UTRN: variants seen among roughly 807,000 people sequenced by gnomAD.
The protein encoded by UTRN is dystrophin-related protein 1.
In UTRN, 283 loss-of-function variants were observed where a neutral mutation model predicts 463.9. The ratio of observed to expected loss-of-function variants is 0.61; its 90% CI spans 0.55 to 0.67. The LOEUF (loss-of-function observed/expected upper bound fraction) is 0.67. UTRN is among the 30% of genes least tolerant of loss of function. The probability of loss-of-function intolerance (pLI) is 0.00; values close to 1 mark genes in which losing one functional copy is unlikely to be tolerated. For missense variants in UTRN, 3,922 were observed against 4,084.3 expected (o/e 0.96, Z 1.08); for synonymous variants, 1,442 against 1,431.5 (o/e 1.01, Z -0.17).
At chr6:144,522,279 C>T (rs1278619679) in intron 40 of UTRN, 108 bp downstream of exon 40, 1 of 871,790 alleles carries the variant, frequency 1.1e-6, no homozygotes, top group Non-Finnish European at 1.6e-6. Context: ...CAATTTGTGC[C>T]AGGGGATTAA....
At chr6:144,525,718 G>C (rs969499231) in intron 41 of UTRN, among the ~76,000 whole-genome samples, 1 of 144,464 alleles carries the variant, frequency 6.9e-6, no homozygotes, top group African/African-American at 2.6e-5. Context: ...TTTTTCTTCT[G>C]CTGGGCTTGG....
intron 54 of UTRN, among the ~76,000 whole-genome samples, chr6:144,738,792 C>A (rs907578895): frequency 6.6e-6 from 1 of 152,186 alleles, no homozygotes; most frequent in Non-Finnish European, 1.5e-5. Context: ...TAAAGAATTA[C>A]TGTTACTACA....
At chr6:144,562,661 A>G (rs1585290397) in intron 50 of UTRN, among the ~76,000 whole-genome samples, 2 of 152,174 alleles carry the variant, frequency 1.3e-5, no homozygotes, top group East Asian at 3.8e-4. Flanking sequence ...GCTGCAATGA[A>G]CATACACATA....
intron 52 of UTRN, among the ~76,000 whole-genome samples, chr6:144,698,344 A>G (rs539437339): frequency 5.3e-5 from 8 of 152,262 alleles, no homozygotes; most frequent in Non-Finnish European, 1.2e-4. Flanking sequence ...AGAACTGATC[A>G]TAAATACAAG....
chr6:144,716,611 T>C (rs1330151203), intron 53 of UTRN, among the ~76,000 whole-genome samples: 3 of 152,192 alleles, frequency 2.0e-5, no homozygotes, highest in African/African-American at 7.2e-5. Context: ...AAAGTATAAT[T>C]TTTAATTATG....
chr6:144,435,875 T>G lies in UTRN; in HGVS notation c.856-60T>G, dbSNP rs1786487995. On this transcript the variant is annotated intron_variant, in intron 9 of 74. Transcript: ENST00000367545. ...TTTGGGTTCGCCATACAGTGTGAGT[T>G]TGCTGAACACCTCTTGCTTTGATGA... 2.5e-6 allele frequency: 4 copies of G among 1,573,308 alleles called. No homozygotes were observed. In the Admixed American group the frequency reaches 5.4e-5, roughly 21 times the overall value.
rs980297808 is a variant in UTRN at position 144,624,487 on chromosome 6, G to A, written c.7479+47199G>A. On this transcript the variant is annotated intron_variant, in intron 51 of 74. Coordinates refer to ENST00000367545, the MANE Select transcript of UTRN (RefSeq NM_007124.3). Reference sequence around the variant, plus strand: ...GAAGTAGATGTGGGCAGTTTGAATTGGTAGAAAATAGCCACTGATACCTGG... The same window carrying A: ...GAAGTAGATGTGGGCAGTTTGAATTAGTAGAAAATAGCCACTGATACCTGG... Among the ~76,000 whole-genome samples, 5 of 152,168 alleles carry A rather than the reference G, an allele frequency of 3.3e-5. No homozygotes were observed. In the South Asian group the frequency reaches 6.2e-4, roughly 19 times the overall value.
chr6:144,772,285 C>T (rs1005332710), intron 59 of UTRN, among the ~76,000 whole-genome samples: 3 of 152,102 alleles, frequency 2.0e-5, no homozygotes, highest in South Asian at 4.2e-4. Context: ...CCACCCGCCT[C>T]GGCCTCCCAA....
intron 2 of UTRN, among the ~76,000 whole-genome samples, chr6:144,384,559 A>G (rs1781246435): frequency 6.6e-6 from 1 of 152,008 alleles, no homozygotes; most frequent in African/African-American, 2.4e-5. Flanking sequence ...GGACCGCCAC[A>G]TTAAACAACA....
At chr6:144,325,927 G>A (rs1281433078) in intron 2 of UTRN, among the ~76,000 whole-genome samples, 2 of 152,164 alleles carry the variant, frequency 1.3e-5, no homozygotes, top group Non-Finnish European at 2.9e-5. Context: ...TTAAAAGTGT[G>A]ATATCAGAAA....
In UTRN at chr6:144,516,701, C is replaced by A. The variant is rs184120748; in HGVS notation, c.5404-110C>A. On this transcript the variant is annotated intron_variant, in intron 38 of 74. Coordinates refer to ENST00000367545, the MANE Select transcript of UTRN (RefSeq NM_007124.3). ...TTTTTGATCGTTCAGGTTAACATAT[C>A]TTGACGTATACTATACTAAGTAGGT... 1.0e-4 allele frequency: 88 copies of A among 860,364 alleles called. No individual in the cohort carries two copies. In the East Asian group the frequency reaches 2.8e-3, roughly 27 times the overall value. 53.3% of individuals were successfully genotyped at this position (860,364 alleles called of 1,614,324 possible).
chr6:144,578,846 G>C (rs1318343071), intron 51 of UTRN, among the ~76,000 whole-genome samples: 6 of 152,134 alleles, frequency 3.9e-5, no homozygotes, highest in Non-Finnish European at 8.8e-5. Context: ...TCTTTTCTCT[G>C]AAAACATGAA....
chr6:144,530,925 AG>A, intron 41 of UTRN, 126 bp from the exon 42 acceptor site: 1 of 1,065,622 alleles, frequency 9.4e-7, no homozygotes. Context: ...GTGGAGCAAT[AG>A]GCTGTGAATT....
intron 23 of UTRN, among the ~76,000 whole-genome samples, chr6:144,471,405 G>C (rs1028292403): frequency 6.6e-6 from 1 of 152,164 alleles, no homozygotes; most frequent in East Asian, 1.9e-4. Context: ...ATTCAAACTA[G>C]AGTTAATGAA....
At chr6:144,297,945 A>G (rs971940297) in intron 2 of UTRN, among the ~76,000 whole-genome samples, 1 of 152,208 alleles carries the variant, frequency 6.6e-6, no homozygotes, top group Non-Finnish European at 1.5e-5. Flanking sequence ...AATTTTATTG[A>G]ACCTTATTTG....
At chr6:144,691,859 A>C (rs1259281213) in intron 52 of UTRN, among the ~76,000 whole-genome samples, 4 of 151,800 alleles carry the variant, frequency 2.6e-5, no homozygotes, top group Non-Finnish European at 5.9e-5. Context: ...TTTATTTTTT[A>C]ATTATTTATT....
intron 64 of UTRN, among the ~76,000 whole-genome samples, chr6:144,799,701 G>C (rs1026756664): frequency 3.3e-5 from 5 of 152,136 alleles, no homozygotes; most frequent in African/African-American, 1.2e-4. Flanking sequence ...TGTTATTTTA[G>C]TCACTTTTCT....
chr6:144,436,809 TAAATAA>T (rs1418199592), intron 10 of UTRN, among the ~76,000 whole-genome samples: 1 of 141,978 alleles, frequency 7.0e-6, no homozygotes, highest in Non-Finnish European at 1.5e-5. Context: ...TAAATATATA[TAAATAA>T]AAATAAATAT....
At chr6:144,421,103 T>A (rs1019070425) in intron 3 of UTRN, among the ~76,000 whole-genome samples, 1 of 152,006 alleles carries the variant, frequency 6.6e-6, no homozygotes. Context: ...ACCTCCTGGG[T>A]TCAAGCAACT....
Sources: allele counts gnomAD v4.1 joint callset (sites outside exome capture counted in the v4.1 genomes callset), GRCh38; gene constraint gnomAD v4.1.1; transcripts MANE v1.5; gene names NCBI Gene and HGNC (gene_info 2026-07-23, HGNC 2026-07-21).